NTRK3: variants seen among roughly 807,000 people sequenced by gnomAD.
NTRK3 encodes NT-3 growth factor receptor.
A neutral mutation model predicts 91.7 loss-of-function variants in NTRK3; 24 were observed. That is an observed-to-expected ratio of 0.26 (90% CI 0.19 to 0.37). The LOEUF (loss-of-function observed/expected upper bound fraction) is 0.37. NTRK3 is among the 10% of genes least tolerant of loss of function. The probability of loss-of-function intolerance (pLI) is 1.00; values close to 1 mark genes in which losing one functional copy is unlikely to be tolerated. For synonymous variants in NTRK3, 483 were observed against 404.0 expected (o/e 1.20, Z -2.34); for missense variants, 880 against 1,068.9 (o/e 0.82, Z 2.46).
At chr15:87,973,398 A>G (rs2073426620) in intron 14 of NTRK3, among the ~76,000 whole-genome samples, 1 of 152,174 alleles carries the variant, frequency 6.6e-6, no homozygotes, top group African/African-American at 2.4e-5. Flanking sequence ...AAAGCAGACA[A>G]GGGACTTATC....
At chr15:87,969,446 T>C (rs1388845708) in intron 14 of NTRK3, among the ~76,000 whole-genome samples, 2 of 152,104 alleles carry the variant, frequency 1.3e-5, no homozygotes, top group Admixed American at 6.5e-5. Context: ...GAAGAATAGA[T>C]AGATAGATAG....
At chr15:88,057,429 T>C in intron 13 of NTRK3, among the ~76,000 whole-genome samples, 1 of 147,366 alleles carries the variant, frequency 6.8e-6, no homozygotes, top group East Asian at 2.0e-4. Context: ...ATCTGGGAGG[T>C]GGAGGTTGCA....
chr15:88,133,268 G>A (rs753870928), intron 10 of NTRK3, among the ~76,000 whole-genome samples: 1 of 152,120 alleles, frequency 6.6e-6, no homozygotes, highest in Non-Finnish European at 1.5e-5. Flanking sequence ...GTATCTCTGA[G>A]ATAGCTCTGA....
At chr15:88,217,542 A>G (rs2049885839) in intron 3 of NTRK3, among the ~76,000 whole-genome samples, 2 of 152,220 alleles carry the variant, frequency 1.3e-5, no homozygotes, top group Non-Finnish European at 2.9e-5. Context: ...TGAGGTACCT[A>G]GAACAGCCAG....
At chr15:88,023,590 C>G (rs971890959) in intron 14 of NTRK3, among the ~76,000 whole-genome samples, 1 of 152,162 alleles carries the variant, frequency 6.6e-6, no homozygotes, top group Admixed American at 6.5e-5. Context: ...CTGTCAAGAT[C>G]CAACCAGGAG....
At chr15:87,951,479 G>A (rs543055750) in intron 14 of NTRK3, among the ~76,000 whole-genome samples, 8 of 152,298 alleles carry the variant, frequency 5.3e-5, no homozygotes, top group East Asian at 1.9e-4. Flanking sequence ...GACATGGGCC[G>A]AGCCCTTAGA....
chr15:88,126,561 T>TA (rs2053307411), intron 12 of NTRK3, among the ~76,000 whole-genome samples, 188 bp from the exon 13 acceptor site: 1 of 152,222 alleles, frequency 6.6e-6, no homozygotes, highest in African/African-American at 2.4e-5. Context: ...TAAAAGTATA[T>TA]AAATTACCCA....
exon 19 of NTRK3, chr15:87,865,266 G>T: frequency 4.8e-6 from 1 of 207,624 alleles, no homozygotes; most frequent in Non-Finnish European, 9.8e-6. Context: ...TAACATTTGA[G>T]AAAATTTTAC....
intron 17 of NTRK3, among the ~76,000 whole-genome samples, chr15:87,887,318 C>G (rs865981358): frequency 1.3e-5 from 2 of 152,146 alleles, no homozygotes; most frequent in African/African-American, 2.4e-5. Flanking sequence ...TTTCAAGAAG[C>G]CTGTGATACA....
At chr15:88,121,192 G>T (rs184538919) in intron 13 of NTRK3, among the ~76,000 whole-genome samples, 1 of 152,134 alleles carries the variant, frequency 6.6e-6, no homozygotes, top group African/African-American at 2.4e-5. Flanking sequence ...TAATTTTGAT[G>T]CTCACCTTAT....
At chr15:88,203,228 C>G (rs2048453001) in intron 3 of NTRK3, among the ~76,000 whole-genome samples, 1 of 152,128 alleles carries the variant, frequency 6.6e-6, no homozygotes, top group South Asian at 2.1e-4. Flanking sequence ...GAGATTACTT[C>G]CCACATAAAT....
chr15:88,076,330 C>A (rs1477287556), intron 13 of NTRK3, among the ~76,000 whole-genome samples: 5 of 152,090 alleles, frequency 3.3e-5, no homozygotes, highest in Non-Finnish European at 5.9e-5. Context: ...CCCACTGAGT[C>A]CCTCCCACAA....
At chr15:88,019,108 G>T (rs1204592397) in intron 14 of NTRK3, among the ~76,000 whole-genome samples, 1 of 152,106 alleles carries the variant, frequency 6.6e-6, no homozygotes, top group African/African-American at 2.4e-5. Context: ...AACATTAGCA[G>T]GACAGTTTAC....
chr15:87,880,709 G>A (rs1276484887), intron 17 of NTRK3, among the ~76,000 whole-genome samples: 1 of 152,144 alleles, frequency 6.6e-6, no homozygotes, highest in African/African-American at 2.4e-5. Context: ...GAGAGAGAAG[G>A]TTTCAGAATC....
exon 15 of NTRK3, chr15:87,940,740 A>G (rs2069748936): frequency 2.5e-6 from 4 of 1,614,092 alleles, no homozygotes; most frequent in Non-Finnish European, 3.4e-6. Flanking sequence ...CTCTCCTCTT[A>G]ATGTGCTGCA....
At chr15:87,899,126 AT>A (rs1373259924) in intron 17 of NTRK3, among the ~76,000 whole-genome samples, 2 of 152,230 alleles carry the variant, frequency 1.3e-5, no homozygotes, top group Admixed American at 1.3e-4. Flanking sequence ...TAAATATCTT[AT>A]AAATATTTGC....
chr15:87,934,052 G>T (rs1349573949), intron 15 of NTRK3, among the ~76,000 whole-genome samples: 4 of 152,214 alleles, frequency 2.6e-5, no homozygotes, highest in Non-Finnish European at 4.4e-5. Flanking sequence ...GGATTTCCCA[G>T]CACCAGAAGG....
chr15:87,980,452 C>G (rs1391971142), intron 14 of NTRK3, among the ~76,000 whole-genome samples: 4 of 151,882 alleles, frequency 2.6e-5, no homozygotes, highest in African/African-American at 9.7e-5. Context: ...CATGTGTACA[C>G]CTGTGTGTTT....
chr15:88,070,514 T>G (rs757644421), intron 13 of NTRK3, among the ~76,000 whole-genome samples: 9 of 152,272 alleles, frequency 5.9e-5, no homozygotes, highest in African/African-American at 1.9e-4. Context: ...TCAGCTTTGC[T>G]TCCTTCAATT....
Sources: allele counts gnomAD v4.1 joint callset (sites outside exome capture counted in the v4.1 genomes callset), GRCh38; gene constraint gnomAD v4.1.1; transcripts MANE v1.5; gene names NCBI Gene and HGNC (gene_info 2026-07-23, HGNC 2026-07-21).